The following DNAH3 variants were observed in gnomAD, a reference collection of about 807,000 sequenced individuals.
DNAH3 encodes the protein dynein axonemal heavy chain 3.
In DNAH3, 332 loss-of-function variants were observed where a neutral mutation model predicts 432.5. That is an observed-to-expected ratio of 0.77 (90% CI 0.70 to 0.84). The LOEUF is 0.84. Among genes scored for constraint, DNAH3 ranks in the 40% least tolerant of loss-of-function variants. DNAH3 has a pLI of 0.00. For synonymous variants in DNAH3, 1,956 were observed against 1,900.2 expected, an observed-to-expected ratio of 1.03 and a Z score of -0.76; for missense variants, 4,861 against 5,114.0, an observed-to-expected ratio of 0.95 and a Z score of 1.51.
intron 25 of DNAH3, among the ~76,000 whole-genome samples, chr16:21,061,761 G>A (rs2090369247): frequency 6.6e-6 from 1 of 152,168 alleles, no homozygotes; most frequent in Non-Finnish European, 1.5e-5. Context: ...ATTGGTATGG[G>A]ATGCAACCTG....
At chr16:21,124,941 T>C (rs894719637) in intron 9 of DNAH3, among the ~76,000 whole-genome samples, 1 of 151,214 alleles carries the variant, frequency 6.6e-6, no homozygotes, top group Admixed American at 6.6e-5. Context: ...TGGCCTGTAA[T>C]GCACCCGGCC....
At chr16:21,141,053 C>T (rs2092711756) in intron 4 of DNAH3, among the ~76,000 whole-genome samples, 1 of 152,026 alleles carries the variant, frequency 6.6e-6, no homozygotes, top group African/African-American at 2.4e-5. Flanking sequence ...GAAGGAGAGT[C>T]GCTTGAACCC....
chr16:20,952,022 C>T (rs943471137), intron 56 of DNAH3, among the ~76,000 whole-genome samples: 2 of 152,074 alleles, frequency 1.3e-5, no homozygotes, highest in South Asian at 2.1e-4. Flanking sequence ...GGCTTACAGG[C>T]GTGAGCCACC....
chr16:20,989,849 G>T (rs1381283957), intron 44 of DNAH3, among the ~76,000 whole-genome samples: 1 of 152,200 alleles, frequency 6.6e-6, no homozygotes, highest in Non-Finnish European at 1.5e-5. Flanking sequence ...GGCACTGCTG[G>T]GGGACCCAGT....
In DNAH3 at chr16:21,024,652, T is replaced by A; in HGVS notation, c.5590A>T (p.Lys1864Ter). 1 of 1,613,716 alleles carries A rather than the reference T, an allele frequency of 6.2e-7. No homozygotes were observed. Among genetic ancestry groups the A allele is most frequent in the Non-Finnish European group, 8.5e-7 (1 of 1,179,754 alleles). Residue 1864 changes from lysine (K) to a stop codon, truncating the protein, a stop_gained, in exon 39 of 62, where the codon AAG becomes TAG. Transcript: ENST00000261383. LOFTEE classifies it high-confidence loss of function. ...GGCAGGGTGTCCATGTAGGAATCCT[T>A]CAGGGGCTTCCAGCCTAGTTGATGG... is the stretch of plus-strand genomic sequence containing the variant.
intron 17 of DNAH3, 79 bp downstream of exon 17, chr16:21,098,537 G>C (rs2091752878): frequency 1.4e-6 from 2 of 1,458,926 alleles, no homozygotes; most frequent in Middle Eastern, 1.8e-4. Context: ...ATGCTATTAG[G>C]AAATAGGAAA....
In DNAH3 at chr16:21,105,771, A is replaced by T. The variant is rs536290655; in HGVS notation, c.2284+719T>A. Among the ~76,000 whole-genome samples, 7 of 152,294 alleles carry T rather than the reference A, an allele frequency of 4.6e-5. No individual in the cohort carries two copies. The South Asian group carries it at 6.2e-4, about 14-fold the overall frequency. On this transcript the variant is annotated intron_variant, in intron 15 of 61. Transcript: ENST00000261383. Reference sequence around the variant, plus strand: ...AGAGCAAGACTCTGTCTCGACAAAAAAAATAAATAAATAAAAGATTACAGG... The same window carrying T: ...AGAGCAAGACTCTGTCTCGACAAAATAAATAAATAAATAAAAGATTACAGG...
chr16:20,980,240 T>TATATA (rs1243340680), intron 49 of DNAH3, among the ~76,000 whole-genome samples: 21 of 97,048 alleles, frequency 2.2e-4, no homozygotes, highest in Non-Finnish European at 4.8e-4. Context: ...TTATATTATA[T>TATATA]ATATAATATA....
In DNAH3 at chr16:21,097,459, C is replaced by T. The variant is rs1351600719; in HGVS notation, c.2561G>A (p.Ser854Asn). ...CATGGCCTGCAGAAGAGGGTAAGTA[C>T]TCTTCTCCTTTTCCAATAGCTCTTC... is the stretch of plus-strand genomic sequence containing the variant. The change falls in exon 18 of 62, where the codon AGT becomes AAT. Residue 854 changes from serine to asparagine, a missense_variant. Coordinates refer to ENST00000261383, the Ensembl canonical transcript of DNAH3. The T allele has an allele frequency of 6.2e-7, 1 of 1,613,962 alleles. No individual in the cohort carries two copies. Among genetic ancestry groups the T allele is most frequent in the Non-Finnish European group, 8.5e-7 (1 of 1,179,938 alleles).
intron 41 of DNAH3, among the ~76,000 whole-genome samples, chr16:21,014,553 G>A (rs1270193959): frequency 1.3e-5 from 2 of 152,150 alleles, no homozygotes; most frequent in Admixed American, 1.3e-4. Flanking sequence ...GCAAGATAAG[G>A]AAGCCCTTTT....
At chr16:20,935,134 C>T (rs1260464046) in intron 61 of DNAH3, among the ~76,000 whole-genome samples, 1 of 152,056 alleles carries the variant, frequency 6.6e-6, no homozygotes. Flanking sequence ...GAAAGATTCC[C>T]TTTTTGTATA....
Position 20,985,720 on chromosome 16 carries a change from A to C in DNAH3, c.7027-5T>G. On this transcript the variant is annotated splice_polypyrimidine_tract_variant and splice_region_variant and intron_variant, in intron 47 of 61. Coordinates refer to ENST00000261383, the Ensembl canonical transcript of DNAH3. ...GGGTGACAAGTGGATAAGCACCTGT[A>C]AGAAAAGTAAATCTCGGCGGGGCAT... is the stretch of plus-strand genomic sequence containing the variant. 6.2e-7 allele frequency: 1 copy of C among 1,609,666 alleles called. No homozygotes were observed. The highest frequency in any genetic ancestry group is 8.5e-7 in the Non-Finnish European group (1 of 1,176,692).
chr16:20,948,352 T>C (rs754605857), intron 57 of DNAH3, 131 bp downstream of exon 57: 1 of 901,444 alleles, frequency 1.1e-6, no homozygotes, highest in Non-Finnish European at 1.7e-6. Flanking sequence ...ATATTGGGAA[T>C]AGCTTATGGA....
At chr16:21,125,246 T>G (rs113032688) in exon 9 of DNAH3, 2 of 1,613,750 alleles carry the variant, frequency 1.2e-6, no homozygotes, top group African/African-American at 2.7e-5. Flanking sequence ...TGCAGCGACA[T>G]GAATGATGCC....
chr16:20,965,077 A>G (rs372193196), exon 53 of DNAH3: 5 of 1,613,886 alleles, frequency 3.1e-6, no homozygotes, highest in Non-Finnish European at 4.2e-6. Context: ...CAGGGCCTGG[A>G]GCCGATCTAC....
At chr16:21,107,861 T>C (rs751836750) in intron 14 of DNAH3, among the ~76,000 whole-genome samples, 1 of 151,170 alleles carries the variant, frequency 6.6e-6, no homozygotes, top group Non-Finnish European at 1.5e-5. Context: ...GATCGTGACA[T>C]GTTTTTTTTT....
intron 1 of DNAH3, among the ~76,000 whole-genome samples, chr16:21,156,917 TC>T (rs1352860329): frequency 7.8e-6 from 1 of 127,492 alleles, no homozygotes; most frequent in Non-Finnish European, 1.6e-5. Context: ...TAAACAAAAA[TC>T]CCAGTGGAAA....
intron 38 of DNAH3, among the ~76,000 whole-genome samples, chr16:21,026,156 T>C (rs2088544299): frequency 6.6e-6 from 1 of 152,174 alleles, no homozygotes; most frequent in Non-Finnish European, 1.5e-5. Context: ...TCCTTGGGCC[T>C]GTACTTAGGA....
intron 49 of DNAH3, among the ~76,000 whole-genome samples, chr16:20,982,367 T>G (rs561563038): frequency 6.6e-6 from 1 of 152,118 alleles, no homozygotes; most frequent in East Asian, 1.9e-4. Flanking sequence ...GCCTGGGGGA[T>G]AGAGCAAGAC....
Sources: gnomAD v4.1 joint callset for allele counts (sites outside exome capture counted in the v4.1 genomes callset) on GRCh38, gnomAD v4.1.1 for gene constraint, MANE v1.5 for transcripts, NCBI Gene and HGNC (gene_info 2026-07-23, HGNC 2026-07-21) for gene names.